The following RBM11 variants were observed in gnomAD, a reference collection of about 807,000 sequenced individuals.
The protein encoded by RBM11 is RNA binding motif protein 11, also known as splicing regulator RBM11.
Under a neutral mutation model 21.4 loss-of-function variants are expected in RBM11, and 18 were observed. The observed-to-expected ratio is 0.84, with a 90% CI of 0.58 to 1.25. The LOEUF is 1.25. RBM11 is among the 50% of genes most tolerant of loss of function. The pLI, the probability that RBM11 is intolerant of heterozygous loss-of-function variation, is 0.00. For missense variants in RBM11, 294 were observed against 331.9 expected, an observed-to-expected ratio of 0.89 and a Z score of 0.89; for synonymous variants, 120 against 116.3, an observed-to-expected ratio of 1.03 and a Z score of -0.20.
chr21:14,225,039 C>T (rs1468703024), intron 4 of RBM11, among the ~76,000 whole-genome samples: 1 of 151,902 alleles, frequency 6.6e-6, no homozygotes, highest in Admixed American at 6.6e-5. Context: ...ATTGCTTGAA[C>T]CTAGAAGGTG....
intron 3 of RBM11, among the ~76,000 whole-genome samples, chr21:14,224,047 T>C (rs146802959): frequency 6.4e-4 from 98 of 152,248 alleles, no homozygotes; most frequent in Non-Finnish European, 1.1e-3. Flanking sequence ...TGTTATATAA[T>C]ACCAGTTTGT....
chr21:14,221,735 G>C (rs1357564859), intron 3 of RBM11, among the ~76,000 whole-genome samples: 2 of 152,038 alleles, frequency 1.3e-5, no homozygotes, highest in African/African-American at 2.4e-5. Context: ...AAACTAAAAG[G>C]CTCCCACACC....
intron 1 of RBM11, among the ~76,000 whole-genome samples, chr21:14,217,337 A>C (rs973740329): frequency 6.6e-6 from 1 of 152,202 alleles, no homozygotes. Context: ...ATTAGTAATA[A>C]TACTAACATC....
chr21:14,227,224 C>T lies in RBM11; in HGVS notation c.777C>T (p.Ser259=). 6.2e-7 allele frequency: 1 copy of T among 1,613,964 alleles called. No homozygotes were observed. The highest frequency in any genetic ancestry group is 8.5e-7 in the Non-Finnish European group (1 of 1,179,888). The part of the protein sequence containing the change: ...RQKQTSDSDS[S]TDNNRGNECS... ...AGCAAACAAGTGATAGTGATAGTAG[C>T]ACAGACAACAACAGAGGCAACGAAT... Residue 259 remains serine (S), a synonymous_variant, in exon 5 of 5, where the codon AGC becomes AGT. Transcript: ENST00000400577.
chr21:14,216,428 C>G (rs1203113912), intron 1 of RBM11, 146 bp downstream of exon 1: 1 of 663,894 alleles, frequency 1.5e-6, no homozygotes, highest in African/African-American at 1.8e-5. Flanking sequence ...GCACCTGTCT[C>G]CAGGTGAGCG....
rs955771243 is a variant in RBM11, at chr21:14,216,159, T to C, written c.-28T>C. 2 of 1,590,896 alleles carry C rather than the reference T, an allele frequency of 1.3e-6. No individual in the cohort carries two copies. The highest frequency in any genetic ancestry group is 1.7e-4 in the Middle Eastern group (1 of 6,030). ...GGAGAAGGGGCGGGGTCTCAGCTCC[T>C]ACTTCATTCTACGGCCGAGACCGGA... On this transcript the variant is annotated 5_prime_UTR_variant, in exon 1 of 5. Coordinates refer to ENST00000400577, the MANE Select transcript of RBM11 (RefSeq NM_144770.5).
intron 3 of RBM11, among the ~76,000 whole-genome samples, chr21:14,223,461 T>C (rs1392544137): frequency 1.3e-5 from 2 of 152,208 alleles, no homozygotes; most frequent in Non-Finnish European, 2.9e-5. Flanking sequence ...GTCTCATAGT[T>C]CTGAAGGCTA....
chr21:14,225,572 C>T (rs570755455), intron 4 of RBM11, among the ~76,000 whole-genome samples: 10 of 151,996 alleles, frequency 6.6e-5, no homozygotes, highest in African/African-American at 1.7e-4. Flanking sequence ...AAATACCCAA[C>T]GTATATGTGA....
In RBM11 at chr21:14,226,947, G is replaced by C; in HGVS notation, c.500G>C (p.Ser167Thr). ...GAAATGACAGCTCCACTTCCTAATAGTGCATCCGTGTCTTCCTCACTGAAT... is the reference window on the plus strand; with the variant it reads ...GAAATGACAGCTCCACTTCCTAATACTGCATCCGTGTCTTCCTCACTGAAT... ...YYEMTAPLPNSASVSSSLNHV... is the reference protein window; with the variant it reads ...YYEMTAPLPNTASVSSSLNHV... The change falls in exon 5 of 5, where the codon AGT (serine) becomes ACT (threonine). Residue 167 changes from serine (S) to threonine (T), a missense_variant. By Grantham distance (58) the Ser-to-Thr change is moderately conservative. This residue lies in a region of RBM11 where 113 missense variants were observed against 167.3 expected (regional missense o/e 0.68). Transcript: ENST00000400577. The C allele has an allele frequency of 6.2e-7, 1 of 1,613,684 alleles. No homozygotes were observed. Among genetic ancestry groups the C allele is most frequent in the Non-Finnish European group, 8.5e-7 (1 of 1,179,734 alleles).
At chr21:14,226,567 C>G (rs1223002588) in intron 4 of RBM11, among the ~76,000 whole-genome samples, 5 of 147,156 alleles carry the variant, frequency 3.4e-5, no homozygotes, top group Non-Finnish European at 4.5e-5. Context: ...TGCAGTGAGC[C>G]AAGATTTGCC....
At position 14,227,374 on chromosome 21, in the gene RBM11, A is replaced by T; in HGVS notation, c.*81A>T. On this transcript the variant is annotated 3_prime_UTR_variant, in exon 5 of 5. Coordinates refer to ENST00000400577, the MANE Select transcript of RBM11 (RefSeq NM_144770.5). ...TAAGATGTTATCCCATCAAATAAACAATGTCATGGCTATCTTGTCTTTTGA... is the reference window on the plus strand; with the variant it reads ...TAAGATGTTATCCCATCAAATAAACTATGTCATGGCTATCTTGTCTTTTGA... 1 of 1,356,354 alleles carries T rather than the reference A, an allele frequency of 7.4e-7. No homozygotes were observed. The highest frequency in any genetic ancestry group is 1.0e-6 in the Non-Finnish European group (1 of 1,002,162). The allele number at this position is 1,356,354 out of a possible 1,614,324, so 84.0% of individuals were successfully genotyped here.
chr21:14,219,379 A>G (rs756634627), intron 1 of RBM11, among the ~76,000 whole-genome samples, 184 bp from the exon 2 acceptor site: 3 of 152,176 alleles, frequency 2.0e-5, no homozygotes, highest in African/African-American at 4.8e-5. Context: ...TGTTTCCCCA[A>G]TGAGCCAGAA....
chr21:14,222,991 G>C (rs957914144), intron 3 of RBM11, among the ~76,000 whole-genome samples: 2 of 152,280 alleles, frequency 1.3e-5, no homozygotes, highest in African/African-American at 4.8e-5. Flanking sequence ...GTGGGAAAAG[G>C]TATCTCTTCT....
chr21:14,221,095 A>G lies in RBM11; in HGVS notation c.260-2A>G. The G allele has an allele frequency of 6.4e-7, 1 of 1,569,288 alleles. No individual in the cohort carries two copies. The highest frequency in any genetic ancestry group is 8.6e-7 in the Non-Finnish European group (1 of 1,156,332). ...TAACCTGTTACTCTGTTTCTTTCAA[A>G]GGGAGTTCTCGCTCTTCTGAACCAG... On this transcript the variant is annotated splice_acceptor_variant, in intron 2 of 4. Transcript: ENST00000400577. LOFTEE classifies it high-confidence loss of function.
At chr21:14,218,801 C>T (rs1978418673) in intron 1 of RBM11, among the ~76,000 whole-genome samples, 1 of 152,052 alleles carries the variant, frequency 6.6e-6, no homozygotes, top group Non-Finnish European at 1.5e-5. Flanking sequence ...TGTAATTTTT[C>T]GTTAGTTGTA....
chr21:14,217,296 C>A (rs980507747), intron 1 of RBM11, among the ~76,000 whole-genome samples: 10 of 152,106 alleles, frequency 6.6e-5, no homozygotes, highest in Admixed American at 5.9e-4. Flanking sequence ...TGTTTGCTAC[C>A]GCTACTACTG....
rs754955217 is a variant in RBM11 at position 14,224,419 on chromosome 21, T to G, written c.333-19T>G. The G allele has an allele frequency of 2.1e-5, 32 of 1,530,510 alleles. No individual in the cohort carries two copies. Among genetic ancestry groups the G allele is most frequent in the Non-Finnish European group, 2.5e-5 (29 of 1,141,842 alleles). The allele number at this position is 1,530,510 out of a possible 1,614,324, so 94.8% of individuals were successfully genotyped here. A position where few individuals can be genotyped will look rare whatever the true frequency, so the allele number is the denominator to read the frequency against. On this transcript the variant is annotated intron_variant, in intron 3 of 4. Coordinates refer to ENST00000400577, the MANE Select transcript of RBM11 (RefSeq NM_144770.5). ...AGGAATTTTAAGATTTTATTACTTC[T>G]TCTTTCATCTCCTCAAAGGAATGAA...
intron 4 of RBM11, among the ~76,000 whole-genome samples, chr21:14,226,347 G>A (rs905866064): frequency 2.0e-5 from 3 of 151,942 alleles, no homozygotes; most frequent in South Asian, 2.1e-4. Context: ...GGCTGGGTGC[G>A]GTGGCTCACA....
intron 2 of RBM11, 89 bp downstream of exon 2, chr21:14,219,814 AG>A: frequency 8.6e-7 from 1 of 1,158,998 alleles, no homozygotes; most frequent in Non-Finnish European, 1.1e-6. Flanking sequence ...ATGTAGTATA[AG>A]ACCAAAACAA....
Sources: gnomAD v4.1 joint callset for allele counts (sites outside exome capture counted in the v4.1 genomes callset) on GRCh38, gnomAD v4.1.1 for gene constraint, gnomAD v4.1.1 regional missense constraint, MANE v1.5 for transcripts, NCBI Gene and HGNC (gene_info 2026-07-23, HGNC 2026-07-21) for gene names.